Variants in NDC1 observed in about 807,000 individuals in gnomAD.
NDC1 encodes the protein nucleoporin NDC1.
Under a neutral mutation model 89.8 loss-of-function variants are expected in NDC1, and 24 were observed. The observed-to-expected ratio is 0.27, with a 90% CI of 0.19 to 0.38. The LOEUF (loss-of-function observed/expected upper bound fraction) is 0.38. Among genes scored for constraint, NDC1 ranks in the 10% least tolerant of loss-of-function variants. The probability of loss-of-function intolerance (pLI) is 1.00; values close to 1 mark genes in which losing one functional copy is unlikely to be tolerated. For missense variants in NDC1, 728 were observed against 797.6 expected (o/e 0.91, Z 1.05); for synonymous variants, 296 against 284.8 (o/e 1.04, Z -0.39).
chr1:53,777,869 C>T (rs891811541), intron 16 of NDC1, among the ~76,000 whole-genome samples: 27 of 152,106 alleles, frequency 1.8e-4, no homozygotes, highest in African/African-American at 6.3e-4. Flanking sequence ...GTGTGCACCT[C>T]CCCACCTAAA....
chr1:53,835,469 T>A, intron 2 of NDC1, 31 bp downstream of exon 2: 1 of 1,583,254 alleles, frequency 6.3e-7, no homozygotes, highest in East Asian at 2.2e-5. Context: ...GTAGGTCCTA[T>A]AACTTTCTCC....
intron 14 of NDC1, 79 bp from the exon 15 acceptor site, chr1:53,789,275 C>T (rs1367506364): frequency 1.2e-6 from 1 of 807,908 alleles, no homozygotes; most frequent in African/African-American, 1.8e-5. Context: ...AATATGTAGA[C>T]CACAAAACAA....
At chr1:53,814,224 G>A (rs1474717178) in intron 6 of NDC1, among the ~76,000 whole-genome samples, 5 of 152,042 alleles carry the variant, frequency 3.3e-5, no homozygotes, top group Admixed American at 6.6e-5. Flanking sequence ...GCGTGGTGGC[G>A]GGCACCTGTA....
At chr1:53,772,953 GC>G (rs953939524) in intron 16 of NDC1, among the ~76,000 whole-genome samples, 21 of 150,764 alleles carry the variant, frequency 1.4e-4, no homozygotes, top group African/African-American at 3.7e-4. Flanking sequence ...CAGTTACCAG[GC>G]CCCCCCCAAA....
intron 16 of NDC1, among the ~76,000 whole-genome samples, chr1:53,783,739 C>T (rs377766651): frequency 6.6e-6 from 1 of 152,186 alleles, no homozygotes; most frequent in East Asian, 1.9e-4. Flanking sequence ...CTCTTGCTCT[C>T]TCTTGTTCAG....
At chr1:53,793,537 TA>T (rs936091992) in intron 13 of NDC1, among the ~76,000 whole-genome samples, 11 of 151,678 alleles carry the variant, frequency 7.3e-5, no homozygotes, top group African/African-American at 1.7e-4. Flanking sequence ...AGCCCTGACA[TA>T]AAAAAAAATT....
chr1:53,772,513 C>G, intron 16 of NDC1, 24 bp from the exon 17 acceptor site: 1 of 1,608,206 alleles, frequency 6.2e-7, no homozygotes, highest in Non-Finnish European at 8.5e-7. Flanking sequence ...GAAAACACAT[C>G]AGTTTAGATT....
chr1:53,801,616 C>A (rs545349132), intron 10 of NDC1, among the ~76,000 whole-genome samples: 10 of 152,296 alleles, frequency 6.6e-5, no homozygotes, highest in African/African-American at 2.4e-4. Context: ...TTGGATCTCT[C>A]CTTAAACACT....
intron 17 of NDC1, among the ~76,000 whole-genome samples, chr1:53,770,098 T>C (rs2100614078): frequency 6.6e-6 from 1 of 152,312 alleles, no homozygotes; most frequent in East Asian, 1.9e-4. Context: ...TAGCCTCCAC[T>C]GATTTTATCA....
At chr1:53,790,003 T>C (rs1233287491) in intron 14 of NDC1, among the ~76,000 whole-genome samples, 1 of 151,838 alleles carries the variant, frequency 6.6e-6, no homozygotes, top group Non-Finnish European at 1.5e-5. Context: ...TTTGGGTGGC[T>C]GAGGCAGGAG....
intron 16 of NDC1, among the ~76,000 whole-genome samples, chr1:53,784,805 T>A (rs1367465678): frequency 6.9e-6 from 1 of 145,282 alleles, no homozygotes; most frequent in African/African-American, 2.6e-5. Context: ...AAAAAAAACA[T>A]AAATCAGCTG....
At chr1:53,806,368 G>A in intron 9 of NDC1, 57 bp downstream of exon 9, 3 of 1,092,082 alleles carry the variant, frequency 2.7e-6, no homozygotes, top group Non-Finnish European at 3.9e-6. Context: ...TAAATATTAA[G>A]TGTATTGAAT....
intron 7 of NDC1, among the ~76,000 whole-genome samples, 176 bp downstream of exon 7, chr1:53,809,519 T>C (rs555402459): frequency 6.6e-6 from 1 of 152,258 alleles, no homozygotes; most frequent in Non-Finnish European, 1.5e-5. Context: ...GTCCTGCTAA[T>C]TTTACCCTTT....
Position 53,809,686 on chromosome 1 carries a change from A to G in NDC1, c.755+9T>C, listed in dbSNP as rs1340800649. 1 of 1,589,340 alleles carries G rather than the reference A, an allele frequency of 6.3e-7. No homozygotes were observed. The highest frequency in any genetic ancestry group is 2.2e-5 in the East Asian group (1 of 44,688). On this transcript the variant is annotated intron_variant, in intron 7 of 17. Transcript: ENST00000371429. ...AGAGTTAAAATTAGACTTTTTAGGTATCACTTACTCATCTATGTGAAGGTT... is the reference window on the plus strand; with the variant it reads ...AGAGTTAAAATTAGACTTTTTAGGTGTCACTTACTCATCTATGTGAAGGTT...
chr1:53,778,217 T>C (rs1647177487), intron 16 of NDC1, among the ~76,000 whole-genome samples: 1 of 150,352 alleles, frequency 6.7e-6, no homozygotes, highest in Non-Finnish European at 1.5e-5. Context: ...CTACCTCAGA[T>C]ACCAAAAGGA....
At chr1:53,804,628 C>T (rs925282361) in intron 9 of NDC1, among the ~76,000 whole-genome samples, 2 of 152,104 alleles carry the variant, frequency 1.3e-5, no homozygotes, top group African/African-American at 4.8e-5. Context: ...AGGCACACAC[C>T]AGCACACTCA....
intron 5 of NDC1, among the ~76,000 whole-genome samples, chr1:53,824,163 G>A (rs1268510518): frequency 6.6e-6 from 1 of 151,276 alleles, no homozygotes; most frequent in Non-Finnish European, 1.5e-5. Flanking sequence ...CGAGCCAGGA[G>A]GTCAAAGCTG....
At chr1:53,814,360 A>T (rs925902176) in intron 6 of NDC1, among the ~76,000 whole-genome samples, 7 of 152,162 alleles carry the variant, frequency 4.6e-5, no homozygotes, top group African/African-American at 1.7e-4. Context: ...GTCTCAAAAA[A>T]TAAATAAATA....
intron 16 of NDC1, among the ~76,000 whole-genome samples, chr1:53,785,213 C>G (rs1647274744): frequency 6.6e-6 from 1 of 152,192 alleles, no homozygotes; most frequent in East Asian, 1.9e-4. Context: ...TTACTCTAGA[C>G]TATAAACACT....
Sources: gnomAD v4.1 joint callset for allele counts (sites outside exome capture counted in the v4.1 genomes callset) on GRCh38, gnomAD v4.1.1 for gene constraint, MANE v1.5 for transcripts, NCBI Gene and HGNC (gene_info 2026-07-23, HGNC 2026-07-21) for gene names.